C11orf65: variants seen among roughly 807,000 people sequenced by gnomAD.
C11orf65 encodes the protein chromosome 11 open reading frame 65, also known as protein MFI.
A neutral mutation model predicts 35.3 loss-of-function variants in C11orf65; 38 were observed. That is an observed-to-expected ratio of 1.08 (90% CI 0.83 to 1.41). The LOEUF (loss-of-function observed/expected upper bound fraction) is 1.41, where lower values mean the gene tolerates loss of function less well. Among genes scored for constraint, C11orf65 ranks in the 40% most tolerant of loss-of-function variants. The pLI, the probability that C11orf65 is intolerant of heterozygous loss-of-function variation, is 0.00. For synonymous variants in C11orf65, 105 were observed against 114.4 expected (o/e 0.92, Z 0.53); for missense variants, 370 against 367.1 (o/e 1.01, Z -0.06).
intron 6 of C11orf65, chr11:108,312,334 C>A: frequency 9.0e-7 from 1 of 1,113,832 alleles, no homozygotes; most frequent in Non-Finnish European, 1.4e-6. Context: ...TTTTTTCTGT[C>A]AAAGTCTATA....
chr11:108,439,050 A>G (rs917107669), intron 2 of C11orf65, among the ~76,000 whole-genome samples: 1 of 152,190 alleles, frequency 6.6e-6, no homozygotes, highest in Non-Finnish European at 1.5e-5. Context: ...GACACTAACA[A>G]GAGAGTAAAA....
chr11:108,317,674 C>CACACACACACACAA (rs1348508969), intron 6 of C11orf65, among the ~76,000 whole-genome samples: 1 of 129,306 alleles, frequency 7.7e-6, no homozygotes, highest in African/African-American at 3.0e-5. Flanking sequence ...CACACACACA[C>CACACACACACACAA]TATATATATA....
chr11:108,441,396 C>A (rs538856551), intron 2 of C11orf65, among the ~76,000 whole-genome samples: 1 of 152,338 alleles, frequency 6.6e-6, no homozygotes, highest in African/African-American at 2.4e-5. Flanking sequence ...CCTCTGGGGG[C>A]AGGGCATAGC....
In C11orf65 at chr11:108,332,433, A is replaced by AAATTAATT. The variant is rs4988124; in HGVS notation, c.300-874_300-867dup. 5.5e-3 allele frequency among the ~76,000 whole-genome samples: 836 copies of AAATTAATT among 151,738 alleles called. 6 individuals are homozygous for AAATTAATT. The highest frequency in any genetic ancestry group is 0.043 in the South Asian group (209 of 4,806). On this transcript the variant is annotated intron_variant, in intron 3 of 3. Transcript: ENST00000524755. Reference sequence around the variant, plus strand: ...GGCAACAAGAGCGAAACTCTGTCTCAAATTAATTAATTAATTAATTAATTA... The same window carrying AAATTAATT: ...GGCAACAAGAGCGAAACTCTGTCTCAAATTAATTAATTAATTAATTAATTAATTAATTA...
At chr11:108,331,746 C>A in intron 3 of C11orf65, 1 of 1,282,574 alleles carries the variant, frequency 7.8e-7, no homozygotes, top group Non-Finnish European at 1.1e-6. Context: ...CTTTTTCTCA[C>A]ACATGCAGGC....
intron 2 of C11orf65, among the ~76,000 whole-genome samples, chr11:108,374,266 G>A (rs1450404571): frequency 6.6e-6 from 1 of 152,156 alleles, no homozygotes; most frequent in African/African-American, 2.4e-5. Context: ...ACCTCACATG[G>A]CCAGGTACTC....
chr11:108,324,804 A>C (rs1265823387), intron 6 of C11orf65, among the ~76,000 whole-genome samples: 1 of 152,192 alleles, frequency 6.6e-6, no homozygotes, highest in East Asian at 1.9e-4. Context: ...TTCCTTTAAT[A>C]ATGTTGGTAA....
At chr11:108,410,872 C>A (rs2092643110) in intron 3 of C11orf65, among the ~76,000 whole-genome samples, 1 of 151,906 alleles carries the variant, frequency 6.6e-6, no homozygotes, top group Non-Finnish European at 1.5e-5. Flanking sequence ...CCACGACTGG[C>A]TAATTTTTTC....
At chr11:108,395,728 C>T (rs1309658825) in intron 6 of C11orf65, among the ~76,000 whole-genome samples, 6 of 150,358 alleles carry the variant, frequency 4.0e-5, no homozygotes, top group Admixed American at 4.0e-4. Context: ...TCACGCCAGT[C>T]TCCTGTCTCA....
At chr11:108,345,378 T>C (rs979913013) in intron 2 of C11orf65, among the ~76,000 whole-genome samples, 1 of 152,222 alleles carries the variant, frequency 6.6e-6, no homozygotes, top group Non-Finnish European at 1.5e-5. Context: ...CTTCTGTTCT[T>C]TCTCTTTTCC....
chr11:108,378,465 T>G (rs548227972), downstream of C11orf65, among the ~76,000 whole-genome samples: 27 of 134,568 alleles, frequency 2.0e-4, no homozygotes, highest in African/African-American at 4.8e-4. Context: ...CCTTACACCT[T>G]ATACAAAAAT....
intron 2 of C11orf65, among the ~76,000 whole-genome samples, chr11:108,359,982 C>A (rs939388993): frequency 2.0e-5 from 3 of 151,514 alleles, no homozygotes; most frequent in Non-Finnish European, 3.0e-5. Flanking sequence ...CACAAAAAAC[C>A]CTTCAAAAAA....
intron 2 of C11orf65, chr11:108,340,069 T>C (rs2087343194): frequency 6.6e-6 from 1 of 152,194 alleles, no homozygotes; most frequent in Non-Finnish European, 1.5e-5. Flanking sequence ...AAAATAAACA[T>C]AATAAACATA....
intron 2 of C11orf65, among the ~76,000 whole-genome samples, chr11:108,443,351 C>T (rs547057024): frequency 0.012 from 1,892 of 152,260 alleles, 49 homozygotes; most frequent in African/African-American, 0.042. Context: ...TACAAAGAGA[C>T]TTAGACTCCC....
At chr11:108,379,507 A>G (rs2091817244), downstream of C11orf65, among the ~76,000 whole-genome samples, 2 of 151,818 alleles carry the variant, frequency 1.3e-5, no homozygotes. Flanking sequence ...GGATAGCATT[A>G]GGAGATATAC....
chr11:108,445,425 G>C (rs1236014542), intron 2 of C11orf65, among the ~76,000 whole-genome samples: 3 of 152,172 alleles, frequency 2.0e-5, no homozygotes, highest in Admixed American at 6.5e-5. Context: ...GGAACGATCA[G>C]GCAGCAGCAT....
chr11:108,443,394 C>T (rs1385680940), intron 2 of C11orf65, among the ~76,000 whole-genome samples: 2 of 152,168 alleles, frequency 1.3e-5, no homozygotes, highest in Admixed American at 6.6e-5. Flanking sequence ...TAACACCCCA[C>T]TGTCAACATG....
intron 6 of C11orf65, chr11:108,312,291 A>C: frequency 2.7e-6 from 2 of 753,930 alleles, no homozygotes; most frequent in Non-Finnish European, 4.7e-6. Context: ...AGTATAAGTG[A>C]TTTATTCTGT....
Position 108,319,755 on chromosome 11 carries a change from T to C in C11orf65, c.641-10684A>G, listed in dbSNP as rs191859460. On this transcript the variant is annotated intron_variant, in intron 6 of 6. Transcript: ENST00000525729. Reference sequence around the variant, plus strand: ...CATATTTAGAACCAGGCAGAGTATCTGAGTAATTTCCTTTTTTTCTGCTTA... The same window carrying C: ...CATATTTAGAACCAGGCAGAGTATCCGAGTAATTTCCTTTTTTTCTGCTTA... 2.8e-3 allele frequency among the ~76,000 whole-genome samples: 421 copies of C among 152,358 alleles called. 1 individual carries two copies. The highest frequency in any genetic ancestry group is 9.7e-3 in the African/African-American group (403 of 41,578).
Sources: allele counts gnomAD v4.1 joint callset (sites outside exome capture counted in the v4.1 genomes callset), GRCh38; gene constraint gnomAD v4.1.1; transcripts MANE v1.5; gene names NCBI Gene and HGNC (gene_info 2026-07-23, HGNC 2026-07-21).